Variants in FSD2 observed in about 807,000 individuals in gnomAD.
FSD2 encodes fibronectin type III and SPRY domain containing 2, also known as fibronectin type III and SPRY domain-containing protein 2.
FSD2 carries 71 observed loss-of-function variants against 80.4 expected under a neutral mutation model. The observed-to-expected ratio is 0.88, with a 90% CI of 0.73 to 1.08. FSD2 has a LOEUF of 1.08. FSD2 is among the 50% of genes least tolerant of loss of function. The pLI is 0.00. For missense variants in FSD2, 923 were observed against 913.8 expected (o/e 1.01, Z -0.13); for synonymous variants, 361 against 329.5 (o/e 1.10, Z -1.03).
At chr15:82,759,628 T>C in intron 12 of FSD2, 28 bp from the exon 13 acceptor site, 2 of 1,497,876 alleles carry the variant, frequency 1.3e-6, no homozygotes, top group Non-Finnish European at 1.8e-6. Flanking sequence ...CATAATAAAG[T>C]TTCAGTAATT....
intron 3 of FSD2, among the ~76,000 whole-genome samples, chr15:82,783,368 G>T (rs1328451153): frequency 5.3e-5 from 8 of 152,116 alleles, no homozygotes; most frequent in Non-Finnish European, 2.9e-5. Flanking sequence ...CAAAGTGTTG[G>T]GATTACAGGC....
At chr15:82,779,124 G>A (rs2049789952) in intron 5 of FSD2, among the ~76,000 whole-genome samples, 1 of 152,144 alleles carries the variant, frequency 6.6e-6, no homozygotes, top group South Asian at 2.1e-4. Context: ...GTAAGGTCAT[G>A]TCAGAGGGTG....
intron 6 of FSD2, among the ~76,000 whole-genome samples, chr15:82,773,561 G>A (rs1305495758): frequency 2.0e-5 from 3 of 152,262 alleles, no homozygotes; most frequent in East Asian, 1.9e-4. Flanking sequence ...TCTCAAGCAC[G>A]GATTTGGGCA....
chr15:82,782,642 T>G (rs1014027736), intron 4 of FSD2, among the ~76,000 whole-genome samples, 153 bp downstream of exon 4: 3 of 152,158 alleles, frequency 2.0e-5, no homozygotes, highest in Non-Finnish European at 4.4e-5. Flanking sequence ...GATCATCCAG[T>G]GGAATCAAAT....
At chr15:82,772,371 G>T in intron 6 of FSD2, 143 bp from the exon 7 acceptor site, 1 of 795,002 alleles carries the variant, frequency 1.3e-6, no homozygotes, top group Non-Finnish European at 2.0e-6. Flanking sequence ...ACAAGGATGG[G>T]GACATACAGC....
At chr15:82,797,359 G>A (rs2050300819) in intron 1 of FSD2, among the ~76,000 whole-genome samples, 1 of 152,208 alleles carries the variant, frequency 6.6e-6, no homozygotes, top group African/African-American at 2.4e-5. Context: ...AGGTTGCTCT[G>A]TTCTTACATC....
In FSD2 at chr15:82,778,884, G is replaced by A. The variant is rs747694501; in HGVS notation, c.993C>T (p.Leu331=). ...IKDAVAMADR[L]GKFLKTKTDV... is the part of the protein sequence containing the mutation. ...CTGTTTTTGTTTTCAGGAATTTCCC[G>A]AGTCTGTTGGTATAAAAAGACATGC... The change falls in exon 6 of 13, where the codon CTC becomes CTT. Residue 331 remains leucine (L), a synonymous_variant. Coordinates refer to ENST00000334574, the MANE Select transcript of FSD2 (RefSeq NM_001007122.4). 3.1e-6 allele frequency: 5 copies of A among 1,613,792 alleles called. No individual in the cohort carries two copies. Among genetic ancestry groups the A allele is most frequent in the East Asian group, 2.2e-5 (1 of 44,888 alleles).
intron 11 of FSD2, 48 bp from the exon 12 acceptor site, chr15:82,762,326 T>A: frequency 1.3e-6 from 2 of 1,585,734 alleles, no homozygotes; most frequent in Non-Finnish European, 1.7e-6. Context: ...GCCCCAAGCC[T>A]GGCTGTGCAG....
intron 11 of FSD2, among the ~76,000 whole-genome samples, chr15:82,763,153 T>A (rs1553886): frequency 0.14 from 21,167 of 152,212 alleles, 1,956 homozygotes; most frequent in South Asian, 0.33. Context: ...CCACTTGTTG[T>A]TTCAAATTCA....
At chr15:82,784,652 A>T (rs112098060) in intron 3 of FSD2, among the ~76,000 whole-genome samples, 78 of 152,146 alleles carry the variant, frequency 5.1e-4, no homozygotes, top group African/African-American at 1.8e-3. Context: ...TCCATGGGGG[A>T]TTAGTGCAAT....
rs2049226749 is a variant in FSD2, at chr15:82,758,997, A to G, written c.*351T>C. On this transcript the variant is annotated 3_prime_UTR_variant, in exon 13 of 13. Coordinates refer to ENST00000334574, the MANE Select transcript of FSD2 (RefSeq NM_001007122.4). ...TGGGTGTACTGGTGCTGCTGGAGCCATTAAGACTACCCTCGTCCTCTCCCA... is the reference window on the plus strand; with the variant it reads ...TGGGTGTACTGGTGCTGCTGGAGCCGTTAAGACTACCCTCGTCCTCTCCCA... 4.9e-6 allele frequency: 1 copy of G among 205,738 alleles called. No individual in the cohort carries two copies. Among genetic ancestry groups the G allele is most frequent in the African/African-American group, 2.3e-5 (1 of 42,620 alleles). The allele number at this position is 205,738 out of a possible 1,614,324, so 12.7% of individuals were successfully genotyped here. A position where few individuals can be genotyped will look rare whatever the true frequency, so the allele number is the denominator to read the frequency against.
intron 11 of FSD2, among the ~76,000 whole-genome samples, chr15:82,762,931 A>C (rs1284741038): frequency 6.6e-6 from 1 of 152,264 alleles, no homozygotes; most frequent in East Asian, 1.9e-4. Flanking sequence ...TACCTTCTTC[A>C]GGAGACTCCT....
In FSD2 at chr15:82,762,157, C is replaced by A; in HGVS notation, c.1942G>T (p.Asp648Tyr). 6.2e-7 allele frequency: 1 copy of A among 1,612,442 alleles called. No individual in the cohort carries two copies. Among genetic ancestry groups the A allele is most frequent in the Non-Finnish European group, 8.5e-7 (1 of 1,179,228 alleles). ...VAFADVRKQE[D>Y]LGANCLSWCM... is the part of the protein sequence containing the mutation. ...CAGGAGAGGCAATTTGCTCCCAGATCCTCCTGTTTACGGACATCTGCAAAG... is the reference window on the plus strand; with the variant it reads ...CAGGAGAGGCAATTTGCTCCCAGATACTCCTGTTTACGGACATCTGCAAAG... Residue 648 changes from aspartate (D) to tyrosine (Y), a missense_variant, in exon 12 of 13, where the codon GAT (aspartate) becomes TAT (tyrosine). Transcript: ENST00000334574.
intron 8 of FSD2, 58 bp downstream of exon 8, chr15:82,769,692 A>C: frequency 6.4e-7 from 1 of 1,551,758 alleles, no homozygotes; most frequent in South Asian, 1.2e-5. Flanking sequence ...CTAGAAACCC[A>C]TGACTCCTGT....
chr15:82,796,386 A>G (rs2050271208), intron 1 of FSD2: 1 of 153,914 alleles, frequency 6.5e-6, no homozygotes, highest in Non-Finnish European at 1.5e-5. Context: ...CAAGAAAAAC[A>G]TATGGAAACA....
intron 9 of FSD2, among the ~76,000 whole-genome samples, chr15:82,766,694 A>T (rs1473082433): frequency 3.3e-5 from 5 of 150,852 alleles, no homozygotes; most frequent in Non-Finnish European, 7.4e-5. Context: ...GTGAACCGAG[A>T]TCATCACGCC....
chr15:82,758,644 C>T lies in FSD2; in HGVS notation c.*704G>A, dbSNP rs1311275496. The T allele has an allele frequency of 6.6e-6, 1 of 152,662 alleles. No homozygotes were observed. Among genetic ancestry groups the T allele is most frequent in the African/African-American group, 2.4e-5 (1 of 41,448 alleles). 9.5% of individuals were successfully genotyped at this position (152,662 alleles called of 1,614,324 possible). On this transcript the variant is annotated 3_prime_UTR_variant, in exon 13 of 13. Coordinates refer to ENST00000334574, the MANE Select transcript of FSD2 (RefSeq NM_001007122.4). Reference sequence around the variant, plus strand: ...CAAAGAGCAGTGGCTGAAGAAGATACTAATTTATTCAACAAATACTTGGTG... The same window carrying T: ...CAAAGAGCAGTGGCTGAAGAAGATATTAATTTATTCAACAAATACTTGGTG...
chr15:82,784,271 G>T (rs1020538741), intron 3 of FSD2, among the ~76,000 whole-genome samples: 7 of 146,998 alleles, frequency 4.8e-5, no homozygotes, highest in African/African-American at 1.7e-4. Context: ...TTTTTATGGA[G>T]CCTCATTTTG....
At chr15:82,796,000 C>CTTTTTTTTTTTTTTTT (rs143711664) in intron 1 of FSD2, among the ~76,000 whole-genome samples, 7 of 117,472 alleles carry the variant, frequency 6.0e-5, no homozygotes, top group Admixed American at 9.4e-5. Context: ...TTTTTCTTTT[C>CTTTTTTTTTTTTTTTT]TTTTTTTTTT....
Sources: allele counts gnomAD v4.1 joint callset (sites outside exome capture counted in the v4.1 genomes callset), GRCh38; gene constraint gnomAD v4.1.1; transcripts MANE v1.5; gene names NCBI Gene and HGNC (gene_info 2026-07-23, HGNC 2026-07-21).